The following EPHX2 variants were observed in gnomAD, a reference collection of about 807,000 sequenced individuals.
EPHX2 encodes the protein epoxide hydrolase 2.
EPHX2 carries 74 observed loss-of-function variants against 78.7 expected under a neutral mutation model. The ratio of observed to expected loss-of-function variants is 0.94; its 90% CI spans 0.78 to 1.14. The LOEUF (loss-of-function observed/expected upper bound fraction) is 1.14. Ranked by LOEUF, EPHX2 falls within the 50% of genes most tolerant of loss-of-function variation. The pLI is 0.00. For missense variants in EPHX2, 715 were observed against 702.5 expected, an observed-to-expected ratio of 1.02 and a Z score of -0.20; for synonymous variants, 251 against 255.2, an observed-to-expected ratio of 0.98 and a Z score of 0.16.
intron 1 of EPHX2, among the ~76,000 whole-genome samples, chr8:27,493,466 A>G (rs1389426839): frequency 6.6e-6 from 1 of 152,210 alleles, no homozygotes; most frequent in African/African-American, 2.4e-5. Flanking sequence ...AGATTTATTT[A>G]TTGCAAACTG....
intron 12 of EPHX2, among the ~76,000 whole-genome samples, chr8:27,534,251 C>G (rs1419549478): frequency 6.6e-6 from 1 of 152,226 alleles, no homozygotes; most frequent in African/African-American, 2.4e-5. Context: ...ATCAGAAAAT[C>G]TCCAACCCTA....
chr8:27,542,517 T>G (rs941251108), intron 16 of EPHX2, among the ~76,000 whole-genome samples: 2 of 152,186 alleles, frequency 1.3e-5, no homozygotes, highest in East Asian at 3.8e-4. Context: ...GTCATTATCA[T>G]CATATGACCG....
chr8:27,525,107 T>TGTGTGCGCGCGCGC (rs1491544464), intron 11 of EPHX2, among the ~76,000 whole-genome samples: 4 of 103,456 alleles, frequency 3.9e-5, no homozygotes, highest in African/African-American at 1.1e-4. Flanking sequence ...TGTGTGTGTG[T>TGTGTGCGCGCGCGC]GCGCGCGCGC....
Position 27,543,731 on chromosome 8 carries a change from T to C in EPHX2, c.1450-18T>C. 1 of 1,613,498 alleles carries C rather than the reference T, an allele frequency of 6.2e-7. No individual in the cohort carries two copies. Among genetic ancestry groups the C allele is most frequent in the Non-Finnish European group, 8.5e-7 (1 of 1,179,758 alleles). ...TTTGTGGAGTGCTGGCCACTTCTGT[T>C]TCCTGTTCTCCCCCCAGATCCTGAT... On this transcript the variant is annotated intron_variant, in intron 16 of 18. Coordinates refer to ENST00000521400, the MANE Select transcript of EPHX2 (RefSeq NM_001979.6).
chr8:27,539,183 T>C (rs1815313565), intron 14 of EPHX2: 1 of 156,366 alleles, frequency 6.4e-6, no homozygotes, highest in Non-Finnish European at 1.4e-5. Context: ...TGAGATTTGA[T>C]TTGAGCTCAT....
At chr8:27,532,220 C>T (rs1314864591) in intron 12 of EPHX2, among the ~76,000 whole-genome samples, 3 of 152,042 alleles carry the variant, frequency 2.0e-5, no homozygotes. Context: ...CTCCCCTCAG[C>T]CCCCACATCA....
intron 5 of EPHX2, among the ~76,000 whole-genome samples, chr8:27,510,690 A>G (rs891016955): frequency 1.3e-5 from 2 of 151,922 alleles, no homozygotes; most frequent in African/African-American, 4.8e-5. Context: ...GCCGTGGCTC[A>G]CTCCTGTAAT....
At chr8:27,525,555 C>T in intron 12 of EPHX2, 82 bp downstream of exon 12, 1 of 1,200,734 alleles carries the variant, frequency 8.3e-7, no homozygotes, top group South Asian at 1.2e-5. Context: ...TGCTTTATCA[C>T]TGTCCCCTTT....
intron 16 of EPHX2, among the ~76,000 whole-genome samples, chr8:27,542,346 G>A (rs1326229146): frequency 6.6e-6 from 1 of 152,168 alleles, no homozygotes; most frequent in African/African-American, 2.4e-5. Flanking sequence ...GTGACCCTGG[G>A]AAAGGTACTT....
At chr8:27,540,414 G>A in intron 14 of EPHX2, 140 bp from the exon 15 acceptor site, 1 of 675,688 alleles carries the variant, frequency 1.5e-6, no homozygotes, top group Middle Eastern at 4.2e-4. Context: ...CTCTGGCAAA[G>A]GATAAGGGAA....
chr8:27,533,738 C>T (rs1391413962), intron 12 of EPHX2, among the ~76,000 whole-genome samples: 3 of 152,122 alleles, frequency 2.0e-5, no homozygotes, highest in Non-Finnish European at 4.4e-5. Flanking sequence ...CAGGCATGCA[C>T]CACCATGCCC....
chr8:27,500,457 G>A (rs1813723578), intron 1 of EPHX2, among the ~76,000 whole-genome samples: 1 of 152,100 alleles, frequency 6.6e-6, no homozygotes, highest in Non-Finnish European at 1.5e-5. Flanking sequence ...ACTAATACAG[G>A]AAACTTTTTA....
intron 6 of EPHX2, 120 bp downstream of exon 6, chr8:27,512,030 G>A: frequency 1.0e-6 from 1 of 981,346 alleles, no homozygotes; most frequent in Non-Finnish European, 1.6e-6. Context: ...CCTGGGAAGT[G>A]GAGGTTGCAG....
In EPHX2 at chr8:27,500,346, C is replaced by A. The variant is rs540574387; in HGVS notation, c.102-580C>A. On this transcript the variant is annotated intron_variant, in intron 1 of 18. Transcript: ENST00000521400. ...TGTGAGTTCCCTGAGGCCTCCCCAG[C>A]TATGCTTCCTCTACAGCCTGCAGAA... is the stretch of plus-strand genomic sequence containing the variant. Among the ~76,000 whole-genome samples the A allele has an allele frequency of 3.9e-5, 6 of 152,294 alleles. No homozygotes were observed. In the East Asian group the frequency reaches 7.7e-4, roughly 20 times the overall value.
At chr8:27,493,384 G>A (rs1813457439) in intron 1 of EPHX2, among the ~76,000 whole-genome samples, 1 of 152,212 alleles carries the variant, frequency 6.6e-6, no homozygotes, top group Non-Finnish European at 1.5e-5. Context: ...CAGCAGTGAG[G>A]AGGTCTAGAC....
intron 1 of EPHX2, among the ~76,000 whole-genome samples, chr8:27,492,629 AC>A (rs1189881885): frequency 3.3e-5 from 5 of 152,086 alleles, no homozygotes; most frequent in African/African-American, 1.2e-4. Flanking sequence ...ATGGAAGGGG[AC>A]CCCAGCAGGT....
At chr8:27,546,057 C>CA (rs1815570972), downstream of EPHX2, among the ~76,000 whole-genome samples, 2 of 149,832 alleles carry the variant, frequency 1.3e-5, no homozygotes, top group African/African-American at 4.9e-5. Context: ...TAAGGCTGAG[C>CA]TTTTTCTACA....
intron 5 of EPHX2, among the ~76,000 whole-genome samples, chr8:27,507,985 G>A (rs73227332): frequency 0.13 from 19,151 of 152,052 alleles, 1,384 homozygotes; most frequent in African/African-American, 0.21. Flanking sequence ...CCTAATCTCC[G>A]AATACAGTCA....
intron 1 of EPHX2, among the ~76,000 whole-genome samples, chr8:27,498,792 A>G (rs985625562): frequency 2.0e-5 from 3 of 152,176 alleles, no homozygotes; most frequent in African/African-American, 7.2e-5. Context: ...AAATGTTCTA[A>G]AATTGGAATG....
Sources: gnomAD v4.1 joint callset for allele counts (sites outside exome capture counted in the v4.1 genomes callset) on GRCh38, gnomAD v4.1.1 for gene constraint, MANE v1.5 for transcripts, NCBI Gene and HGNC (gene_info 2026-07-23, HGNC 2026-07-21) for gene names.